Variants in KHDRBS2 observed in about 807,000 individuals in gnomAD.
KHDRBS2 encodes KH domain-containing, RNA-binding, signal transduction-associated protein 2.
In KHDRBS2, 26 loss-of-function variants were observed where a neutral mutation model predicts 44.3. The observed-to-expected ratio is 0.59, with a 90% CI of 0.43 to 0.81. The LOEUF is 0.81. KHDRBS2 is among the 40% of genes least tolerant of loss of function. KHDRBS2 has a pLI of 0.00. For missense variants in KHDRBS2, 476 were observed against 433.1 expected (o/e 1.10, Z -0.88); for synonymous variants, 194 against 151.1 (o/e 1.28, Z -2.08).
At chr6:62,010,029 A>G (rs1225538445) in intron 3 of KHDRBS2, among the ~76,000 whole-genome samples, 2 of 152,226 alleles carry the variant, frequency 1.3e-5, no homozygotes, top group East Asian at 3.9e-4. Context: ...TGGTAGGTCC[A>G]TTGACAGCTT....
chr6:61,619,186 G>A, the KHDRBS2 span, among the ~76,000 whole-genome samples: 11 of 151,950 alleles, frequency 7.2e-5, no homozygotes, highest in South Asian at 4.2e-4. Context: ...ATATAGTGGC[G>A]AATTCTGAGA....
intron 4 of KHDRBS2, among the ~76,000 whole-genome samples, chr6:61,918,937 T>C (rs1252459367): frequency 1.3e-5 from 2 of 151,930 alleles, no homozygotes; most frequent in African/African-American, 4.8e-5. Context: ...AATTCTGAGC[T>C]CTAGTTTAGA....
intron 2 of KHDRBS2, among the ~76,000 whole-genome samples, chr6:62,175,754 G>T (rs1448104869): frequency 6.6e-6 from 1 of 151,388 alleles, no homozygotes; most frequent in East Asian, 1.9e-4. Flanking sequence ...TGACATCATA[G>T]AATATTCTTA....
chr6:62,074,858 T>C (rs1796017988), intron 2 of KHDRBS2, among the ~76,000 whole-genome samples: 1 of 151,912 alleles, frequency 6.6e-6, no homozygotes, highest in Non-Finnish European at 1.5e-5. Flanking sequence ...TAGAAAATTT[T>C]CTCAGATTAC....
intron 2 of KHDRBS2, 127 bp from the exon 3 acceptor site, chr6:62,048,121 T>TACACTC (rs1554347730): frequency 2.6e-6 from 1 of 389,516 alleles, no homozygotes; most frequent in Non-Finnish European, 4.8e-6. Context: ...GCCATAAACA[T>TACACTC]ACACACACAC....
chr6:62,274,846 C>T (rs1030772169), intron 1 of KHDRBS2, among the ~76,000 whole-genome samples: 1 of 152,062 alleles, frequency 6.6e-6, no homozygotes, highest in Non-Finnish European at 1.5e-5. Flanking sequence ...AAAACACAAA[C>T]AATAAGAACC....
At chr6:61,608,350 G>GT in the KHDRBS2 span, among the ~76,000 whole-genome samples, 1 of 136,592 alleles carries the variant, frequency 7.3e-6, no homozygotes, top group African/African-American at 2.7e-5. Flanking sequence ...GTGTGTGTGT[G>GT]TGTACACCTG....
chr6:62,239,338 C>T (rs1326331299), intron 1 of KHDRBS2, among the ~76,000 whole-genome samples: 15 of 151,984 alleles, frequency 9.9e-5, no homozygotes, highest in Non-Finnish European at 7.4e-5. Context: ...TCTGGGAGGC[C>T]GAGGAGGGTG....
chr6:62,213,023 T>C (rs1201062203), intron 1 of KHDRBS2, among the ~76,000 whole-genome samples: 2 of 151,954 alleles, frequency 1.3e-5, no homozygotes, highest in Admixed American at 1.3e-4. Context: ...GGGGAGAGTG[T>C]AAAAAAAGCT....
At chr6:61,857,706 T>C (rs770124201) in intron 6 of KHDRBS2, among the ~76,000 whole-genome samples, 4 of 151,988 alleles carry the variant, frequency 2.6e-5, no homozygotes, top group Non-Finnish European at 4.4e-5. Flanking sequence ...TTGGAATTGA[T>C]TGAACAGTAT....
chr6:62,060,810 C>G lies in KHDRBS2; in HGVS notation c.220-12816G>C, dbSNP rs79761409. Among the ~76,000 whole-genome samples the G allele has an allele frequency of 9.2e-3, 1,399 of 151,892 alleles. 6 individuals carry two copies. Among genetic ancestry groups the G allele is most frequent in the South Asian group, 0.019 (90 of 4,822 alleles). ...AGTTGGAGAATATAATTCATTTATA[C>G]TAAGTAGAAAAATGTGGGTCCTTTC... On this transcript the variant is annotated intron_variant, in intron 2 of 8. Coordinates refer to ENST00000281156, the MANE Select transcript of KHDRBS2 (RefSeq NM_152688.4).
chr6:61,572,040 G>C, the KHDRBS2 span, among the ~76,000 whole-genome samples: 1 of 152,004 alleles, frequency 6.6e-6, no homozygotes, highest in Admixed American at 6.6e-5. Flanking sequence ...CTGGTTCTTT[G>C]AGAAGATATA....
chr6:61,843,375 TA>T (rs1341185065), intron 6 of KHDRBS2, among the ~76,000 whole-genome samples: 1 of 148,446 alleles, frequency 6.7e-6, no homozygotes, highest in East Asian at 2.0e-4. Context: ...ATTATTATTA[TA>T]TTTTGAGACA....
the KHDRBS2 span, among the ~76,000 whole-genome samples, chr6:61,632,153 T>G: frequency 6.6e-6 from 1 of 152,136 alleles, no homozygotes; most frequent in South Asian, 2.1e-4. Context: ...TGTGAAAGGA[T>G]TGGCACCAAG....
chr6:62,195,184 G>C (rs906101266), intron 1 of KHDRBS2, among the ~76,000 whole-genome samples: 1 of 152,038 alleles, frequency 6.6e-6, no homozygotes, highest in Non-Finnish European at 1.5e-5. Context: ...CTCCTTTGAT[G>C]CTATTGTAAA....
Position 61,738,601 on chromosome 6 carries a change from T to C in KHDRBS2, c.811-5837A>G, listed in dbSNP as rs528592154. Among the ~76,000 whole-genome samples, 6 of 152,108 alleles carry C rather than the reference T, an allele frequency of 3.9e-5. No individual in the cohort carries two copies. The South Asian group carries it at 1.2e-3, about 31-fold the overall frequency. ...ATAAGGCAATTTCTTTGTAGCTTGC[T>C]ATGAATTATAGACCACTTCACGCAT... On this transcript the variant is annotated intron_variant, in intron 6 of 8. Transcript: ENST00000281156.
intron 1 of KHDRBS2, among the ~76,000 whole-genome samples, chr6:62,233,308 G>A (rs986104013): frequency 2.6e-5 from 4 of 152,008 alleles, no homozygotes; most frequent in African/African-American, 9.7e-5. Context: ...ACTCTTGAAG[G>A]TGTAAAATGG....
At chr6:61,726,784 A>G (rs1773642607) in intron 7 of KHDRBS2, among the ~76,000 whole-genome samples, 1 of 152,196 alleles carries the variant, frequency 6.6e-6, no homozygotes, top group Non-Finnish European at 1.5e-5. Flanking sequence ...GAAGCAATAA[A>G]TGGAAAAACA....
At chr6:61,924,319 G>C (rs992147447) in intron 4 of KHDRBS2, among the ~76,000 whole-genome samples, 7 of 152,006 alleles carry the variant, frequency 4.6e-5, no homozygotes, top group Non-Finnish European at 1.0e-4. Flanking sequence ...CTAGGAGGAA[G>C]ACATTTTTTT....
Sources: gnomAD v4.1 joint callset for allele counts (sites outside exome capture counted in the v4.1 genomes callset) on GRCh38, gnomAD v4.1.1 for gene constraint, MANE v1.5 for transcripts, NCBI Gene and HGNC (gene_info 2026-07-23, HGNC 2026-07-21) for gene names.